TCF12: variants seen among roughly 807,000 people sequenced by gnomAD.
TCF12 encodes transcription factor 12.
Under a neutral mutation model 86.0 loss-of-function variants are expected in TCF12, and 45 were observed. The observed-to-expected ratio is 0.52, with a 90% CI of 0.41 to 0.67. The LOEUF is 0.67. Ranked by LOEUF, TCF12 falls within the 30% of genes least tolerant of loss-of-function variation. The pLI is 0.00. For missense variants in TCF12, 881 were observed against 859.9 expected (o/e 1.02, Z -0.31); for synonymous variants, 330 against 299.6 (o/e 1.10, Z -1.05).
intron 3 of TCF12, among the ~76,000 whole-genome samples, chr15:57,049,416 G>T (rs186152231): frequency 8.7e-4 from 133 of 152,254 alleles, no homozygotes; most frequent in Middle Eastern, 3.4e-3. Flanking sequence ...TTTGATTTCT[G>T]TCACCATAGA....
intron 3 of TCF12, among the ~76,000 whole-genome samples, chr15:57,003,045 A>T (rs1424700532): frequency 6.6e-6 from 1 of 152,256 alleles, no homozygotes; most frequent in African/African-American, 2.4e-5. Flanking sequence ...CAAGAGGAAC[A>T]TGATAATTTC....
chr15:57,252,815 G>A (rs550848082), intron 15 of TCF12, among the ~76,000 whole-genome samples: 1 of 151,602 alleles, frequency 6.6e-6, no homozygotes, highest in South Asian at 2.1e-4. Context: ...CACCATATAA[G>A]TTACATGTGC....
chr15:56,922,194 G>A (rs1232733848), intron 3 of TCF12, among the ~76,000 whole-genome samples: 2 of 151,908 alleles, frequency 1.3e-5, no homozygotes, highest in East Asian at 3.8e-4. Flanking sequence ...CTTTACTGGT[G>A]TTGATACATC....
intron 6 of TCF12, among the ~76,000 whole-genome samples, chr15:57,189,840 A>C (rs1175062314): frequency 1.3e-5 from 2 of 152,210 alleles, no homozygotes; most frequent in Non-Finnish European, 2.9e-5. Context: ...TAAAATGTCC[A>C]TCAGTGGGTG....
At chr15:57,170,737 A>ATT (rs1567559372) in intron 6 of TCF12, among the ~76,000 whole-genome samples, 1 of 24,846 alleles carries the variant, frequency 4.0e-5, no homozygotes, top group Non-Finnish European at 9.4e-5. Flanking sequence ...TATTATATAT[A>ATT]ATATATATTA....
chr15:56,951,415 T>G (rs1365457503), intron 3 of TCF12, among the ~76,000 whole-genome samples: 2 of 152,208 alleles, frequency 1.3e-5, no homozygotes, highest in East Asian at 1.9e-4. Flanking sequence ...ATTATTGAGT[T>G]TTGAGATTTC....
chr15:57,007,980 T>G (rs2064567402), intron 3 of TCF12, among the ~76,000 whole-genome samples: 2 of 148,434 alleles, frequency 1.3e-5, no homozygotes, highest in Non-Finnish European at 3.0e-5. Context: ...TCTCTCTCGC[T>G]CTCTCTCTCT....
rs563173439 is a variant in TCF12, at chr15:57,005,001, G to C, written c.149-58749G>C. Among the ~76,000 whole-genome samples, 6 of 152,170 alleles carry C rather than the reference G, an allele frequency of 3.9e-5. 1 individual carries two copies. In the South Asian group the frequency reaches 1.0e-3, roughly 26 times the overall value. ...CTTCCATTCATTGAAAGCATTTTAT[G>C]TTCAAAACTTTGTGCCTGAGGGAGA... is the stretch of plus-strand genomic sequence containing the variant. On this transcript the variant is annotated intron_variant, in intron 3 of 20. Transcript: ENST00000333725.
chr15:56,955,359 C>G (rs1408455637), intron 3 of TCF12, among the ~76,000 whole-genome samples: 5 of 151,730 alleles, frequency 3.3e-5, no homozygotes, highest in Admixed American at 3.3e-4. Context: ...GGTGAGAACT[C>G]TAGGACACAG....
At position 57,066,006 on chromosome 15, in the gene TCF12, T is replaced by G. The variant is rs1306018703; in HGVS notation, c.222+2183T>G. ...TCCACTCTTTCACTAATTTTTCTCC[T>G]TCTATCCTAGTCATCGTCTAAACCT... is the stretch of plus-strand genomic sequence containing the variant. On this transcript the variant is annotated intron_variant, in intron 4 of 20. Coordinates refer to ENST00000333725, the MANE Select transcript of TCF12 (RefSeq NM_207037.2). Among the ~76,000 whole-genome samples the G allele has an allele frequency of 5.3e-5, 8 of 152,196 alleles. No homozygotes were observed. In the East Asian group the frequency reaches 1.5e-3, roughly 29 times the overall value.
chr15:57,208,429 C>T (rs1215294708), intron 8 of TCF12, among the ~76,000 whole-genome samples: 2 of 126,308 alleles, frequency 1.6e-5, no homozygotes, highest in East Asian at 4.6e-4. Context: ...GTCACCCAGG[C>T]TGGAGTGCAG....
At chr15:57,062,147 G>A (rs758555004) in intron 3 of TCF12, among the ~76,000 whole-genome samples, 8 of 152,004 alleles carry the variant, frequency 5.3e-5, no homozygotes, top group Non-Finnish European at 1.2e-4. Flanking sequence ...TAGTAGAGAC[G>A]GGGTTTCTCC....
intron 3 of TCF12, among the ~76,000 whole-genome samples, chr15:56,984,066 G>A (rs1315217205): frequency 1.4e-5 from 2 of 146,548 alleles, no homozygotes; most frequent in African/African-American, 5.0e-5. Flanking sequence ...TTTGTTTAGT[G>A]TTTCTTAGGA....
At chr15:57,077,382 T>TATA (rs71113058) in intron 4 of TCF12, among the ~76,000 whole-genome samples, 1 of 54,372 alleles carries the variant, frequency 1.8e-5, no homozygotes, top group East Asian at 3.3e-4. Flanking sequence ...TGTATATATA[T>TATA]TTTTTTTTTT....
At chr15:57,131,867 G>C (rs1159459563) in intron 5 of TCF12, among the ~76,000 whole-genome samples, 3 of 152,174 alleles carry the variant, frequency 2.0e-5, no homozygotes, top group African/African-American at 7.2e-5. Context: ...TGAGTCTTCT[G>C]ATTTGGGTCT....
rs750658111 is a variant in TCF12 at position 57,252,474 on chromosome 15, C to T, written c.1242C>T (p.Phe414=). Residue 414 remains phenylalanine (F), a synonymous_variant, in exon 15 of 21, where the codon TTC becomes TTT. Transcript: ENST00000333725. ...LHEHLQDAMS[F]LKDVCEQSRM... is the part of the protein sequence containing the mutation. Reference sequence around the variant, plus strand: ...AGCATTTGCAAGATGCAATGTCCTTCTTAAAGGATGTCTGTGAGGTACTAT... The same window carrying T: ...AGCATTTGCAAGATGCAATGTCCTTTTTAAAGGATGTCTGTGAGGTACTAT... 74 of 1,613,750 alleles carry T rather than the reference C, an allele frequency of 4.6e-5. No individual in the cohort carries two copies. Among genetic ancestry groups the T allele is most frequent in the Non-Finnish European group, 5.7e-5 (67 of 1,179,878 alleles).
chr15:57,247,440 T>C (rs3794613), intron 13 of TCF12: 317,752 of 693,382 alleles, frequency 0.46, 79,368 homozygotes, highest in Non-Finnish European at 0.53. Flanking sequence ...ATCTCTTGTT[T>C]AGAAAGGGCC....
At chr15:57,128,914 TTTTA>T (rs2051889061) in intron 5 of TCF12, among the ~76,000 whole-genome samples, 1 of 152,264 alleles carries the variant, frequency 6.6e-6, no homozygotes, top group African/African-American at 2.4e-5. Flanking sequence ...ATATACCATT[TTTTA>T]TTTATCTGTT....
intron 5 of TCF12, among the ~76,000 whole-genome samples, chr15:57,151,833 A>G (rs1468830494): frequency 6.6e-6 from 1 of 152,122 alleles, no homozygotes; most frequent in Non-Finnish European, 1.5e-5. Context: ...AAAGAGGCCC[A>G]AGCACACAGT....
Sources: gnomAD v4.1 joint callset for allele counts (sites outside exome capture counted in the v4.1 genomes callset) on GRCh38, gnomAD v4.1.1 for gene constraint, MANE v1.5 for transcripts, NCBI Gene and HGNC (gene_info 2026-07-23, HGNC 2026-07-21) for gene names.